DNAJC6: variants seen among roughly 807,000 people sequenced by gnomAD.
DNAJC6 encodes the protein auxilin.
In DNAJC6, 34 loss-of-function variants were observed where a neutral mutation model predicts 110.0. The ratio of observed to expected loss-of-function variants is 0.31; its 90% CI spans 0.24 to 0.41. The LOEUF is 0.41. Among genes scored for constraint, DNAJC6 ranks in the 10% least tolerant of loss-of-function variants. The pLI is 1.00. For synonymous variants in DNAJC6, 406 were observed against 437.2 expected (o/e 0.93, Z 0.89); for missense variants, 1,031 against 1,207.8 (o/e 0.85, Z 2.17).
intron 13 of DNAJC6, 70 bp downstream of exon 13, chr1:65,395,102 A>G: frequency 6.9e-7 from 1 of 1,443,312 alleles, no homozygotes; most frequent in Non-Finnish European, 9.1e-7. Flanking sequence ...GTGCTCATAT[A>G]TAAAAGCACC....
chr1:65,332,181 T>C (rs886843821), intron 1 of DNAJC6, among the ~76,000 whole-genome samples: 14 of 152,174 alleles, frequency 9.2e-5, no homozygotes, highest in African/African-American at 3.4e-4. Flanking sequence ...GGATTACGAA[T>C]ACAAATGTTA....
rs200693702 is a variant in DNAJC6, at chr1:65,386,780, C to G, written c.996-32C>G. The G allele has an allele frequency of 2.6e-5, 40 of 1,567,752 alleles. No homozygotes were observed. In the East Asian group the frequency reaches 8.7e-4, roughly 34 times the overall value. ...GTGTGATTGTACCAGATTGGACTCT[C>G]TTTCAATGTATATTTTGGTCTGTGT... On this transcript the variant is annotated intron_variant, in intron 7 of 18. Transcript: ENST00000371069.
rs1233703310 is a variant in DNAJC6 at position 65,388,424 on chromosome 1, T to A, written c.1193+9T>A. ...GTTTTAAAGTTCACCAAGTAAGTAC[T>A]GGTTGGGCCAAAAGTCTATTTGAAT... is the stretch of plus-strand genomic sequence containing the variant. On this transcript the variant is annotated intron_variant, in intron 9 of 18. Coordinates refer to ENST00000371069, the MANE Select transcript of DNAJC6 (RefSeq NM_001256864.2). 3.7e-6 allele frequency: 6 copies of A among 1,612,836 alleles called. No individual in the cohort carries two copies. In the African/African-American group the frequency reaches 8.0e-5, roughly 22 times the overall value.
intron 1 of DNAJC6, among the ~76,000 whole-genome samples, chr1:65,302,305 A>AACAGC (rs1557508380): frequency 3.0e-5 from 4 of 131,808 alleles, no homozygotes; most frequent in Non-Finnish European, 6.3e-5. Context: ...TATATAATAT[A>AACAGC]TATGTTACAG....
At chr1:65,353,336 C>T (rs1645509844) in intron 1 of DNAJC6, among the ~76,000 whole-genome samples, 2 of 152,088 alleles carry the variant, frequency 1.3e-5, no homozygotes, top group African/African-American at 4.8e-5. Context: ...TTTATTTGGT[C>T]CACATGTTGA....
At position 65,364,754 on chromosome 1, in the gene DNAJC6, A is replaced by C. The variant is rs776147302; in HGVS notation, c.313A>C (p.Thr105Pro). 6.2e-7 allele frequency: 1 copy of C among 1,613,192 alleles called. No individual in the cohort carries two copies. Among genetic ancestry groups the C allele is most frequent in the Non-Finnish European group, 8.5e-7 (1 of 1,179,492 alleles). The change falls in exon 2 of 19, where the codon ACA becomes CCA. Residue 105 changes from threonine (T) to proline (P), a missense_variant. By Grantham distance (38) the Thr-to-Pro change is conservative. Transcript: ENST00000371069. ...CAACTTGAAAGACACCCTCAAAGAC[A>C]CATCTTCTAGAGTGATACAATCTGT... ...KDNLKDTLKD[T>P]SSRVIQSVTS...
chr1:65,362,997 T>C (rs1198643305), intron 1 of DNAJC6, among the ~76,000 whole-genome samples: 3 of 152,182 alleles, frequency 2.0e-5, no homozygotes, highest in Admixed American at 2.0e-4. Context: ...TCCACATGGC[T>C]GTAGAGGCCT....
chr1:65,386,032 G>A lies in DNAJC6; in HGVS notation c.995+126G>A, dbSNP rs1024629854. 1.8e-5 allele frequency: 18 copies of A among 1,004,660 alleles called. No individual in the cohort carries two copies. In the African/African-American group the frequency reaches 2.1e-4, roughly 12 times the overall value. The allele number at this position is 1,004,660 out of a possible 1,614,324, so 62.2% of individuals were successfully genotyped here. On this transcript the variant is annotated intron_variant, in intron 7 of 18. Transcript: ENST00000371069. ...GTGAAATAGCTGATATATAAAAAATGTTCAACATCAGTGGTAATCATAGAA... is the reference window on the plus strand; with the variant it reads ...GTGAAATAGCTGATATATAAAAAATATTCAACATCAGTGGTAATCATAGAA...
intron 1 of DNAJC6, among the ~76,000 whole-genome samples, chr1:65,271,191 TAC>T: frequency 7.0e-6 from 1 of 141,998 alleles, no homozygotes; most frequent in African/African-American, 2.6e-5. Flanking sequence ...AGAAATCTAC[TAC>T]ATTTTGGAAT....
chr1:65,270,310 G>T (rs1557491088), intron 1 of DNAJC6, among the ~76,000 whole-genome samples: 1 of 151,942 alleles, frequency 6.6e-6, no homozygotes, highest in Non-Finnish European at 1.5e-5. Flanking sequence ...ATATACATAT[G>T]CATAGTTTAA....
Position 65,332,379 on chromosome 1 carries a change from A to G in DNAJC6, c.193+22441A>G, listed in dbSNP as rs1570288050. Among the ~76,000 whole-genome samples the G allele has an allele frequency of 3.3e-5, 5 of 152,360 alleles. No homozygotes were observed. The South Asian group carries it at 1.0e-3, about 32-fold the overall frequency. ...AAAGGAATCAATTATGCAAAGAGCC[A>G]GGTAGAGGTTTCTTAGCAGGATGAT... On this transcript the variant is annotated intron_variant, in intron 1 of 18. Transcript: ENST00000371069.
chr1:65,388,989 G>T (rs752913512), intron 9 of DNAJC6, among the ~76,000 whole-genome samples: 1 of 152,172 alleles, frequency 6.6e-6, no homozygotes, highest in Non-Finnish European at 1.5e-5. Context: ...GGATTTTGCC[G>T]TGCCAGTCAC....
chr1:65,330,620 A>G (rs1645279921), intron 1 of DNAJC6, among the ~76,000 whole-genome samples: 1 of 152,056 alleles, frequency 6.6e-6, no homozygotes, highest in South Asian at 2.1e-4. Flanking sequence ...AGGCGCCGCC[A>G]CCATGCCCAG....
At chr1:65,349,706 T>C (rs1570311923) in intron 1 of DNAJC6, among the ~76,000 whole-genome samples, 1 of 149,604 alleles carries the variant, frequency 6.7e-6, no homozygotes, top group East Asian at 2.0e-4. Flanking sequence ...ATGTAATGTA[T>C]CTTTTTCTCT....
chr1:65,393,698 A>T (rs1426809527), intron 12 of DNAJC6, among the ~76,000 whole-genome samples: 6 of 152,174 alleles, frequency 3.9e-5, no homozygotes, highest in African/African-American at 1.4e-4. Flanking sequence ...GCTCCTGAAG[A>T]ACCCACTCAA....
At chr1:65,311,590 A>G (rs1645102713) in intron 1 of DNAJC6, among the ~76,000 whole-genome samples, 1 of 152,174 alleles carries the variant, frequency 6.6e-6, no homozygotes, top group African/African-American at 2.4e-5. Flanking sequence ...GTGATATATC[A>G]AAGTGTAATC....
At chr1:65,309,493 G>GCCCCC, upstream of DNAJC6, 1 of 1,152,520 alleles carries the variant, frequency 8.7e-7, no homozygotes, top group Non-Finnish European at 1.1e-6. Context: ...GAGGACGCGC[G>GCCCCC]CCCCCGCCCG....
In DNAJC6 at chr1:65,413,026, T is replaced by C. The variant is rs772747769; in HGVS notation, c.*1T>C. 4.3e-6 allele frequency: 7 copies of C among 1,613,082 alleles called. No homozygotes were observed. The highest frequency in any genetic ancestry group is 5.9e-6 in the Non-Finnish European group (7 of 1,179,256). ...CCAAGGCCAAAAGCCCTTATATTAA[T>C]TTATGAGCTTTTCCATCTCTGCTGC... On this transcript the variant is annotated 3_prime_UTR_variant, in exon 19 of 19. Transcript: ENST00000371069.
intron 1 of DNAJC6, among the ~76,000 whole-genome samples, chr1:65,327,971 T>A (rs1645255657): frequency 6.6e-6 from 1 of 152,134 alleles, no homozygotes; most frequent in Admixed American, 6.5e-5. Flanking sequence ...CACCTCAGCC[T>A]CTCAAAGTGT....
Sources: allele counts gnomAD v4.1 joint callset (sites outside exome capture counted in the v4.1 genomes callset), GRCh38; gene constraint gnomAD v4.1.1; transcripts MANE v1.5; gene names NCBI Gene and HGNC (gene_info 2026-07-23, HGNC 2026-07-21).